ALCAM: variants seen among roughly 807,000 people sequenced by gnomAD.
ALCAM encodes the protein CD166 antigen.
In ALCAM, 30 loss-of-function variants were observed where a neutral mutation model predicts 70.9. That is an observed-to-expected ratio of 0.42 (90% confidence interval 0.32 to 0.57). The LOEUF is 0.57. Among genes scored for constraint, ALCAM ranks in the 20% least tolerant of loss-of-function variants. The probability of loss-of-function intolerance (pLI) is 0.11; values close to 1 mark genes in which losing one functional copy is unlikely to be tolerated. For synonymous variants in ALCAM, 249 were observed against 242.5 expected (o/e 1.03, Z -0.25); for missense variants, 591 against 695.1 (o/e 0.85, Z 1.68).
At chr3:105,563,954 T>G (rs1344522237) in intron 14 of ALCAM, among the ~76,000 whole-genome samples, 2 of 152,026 alleles carry the variant, frequency 1.3e-5, no homozygotes, top group Non-Finnish European at 2.9e-5. Flanking sequence ...CCCAAAGTGC[T>G]GGGACTACAG....
intron 1 of ALCAM, among the ~76,000 whole-genome samples, chr3:105,489,436 A>C (rs1402749637): frequency 6.6e-6 from 1 of 152,142 alleles, no homozygotes; most frequent in Non-Finnish European, 1.5e-5. Context: ...GGCCATGTTG[A>C]CAATGATAGT....
chr3:105,487,709 G>A (rs1282605189), intron 1 of ALCAM, among the ~76,000 whole-genome samples: 1 of 152,180 alleles, frequency 6.6e-6, no homozygotes, highest in Non-Finnish European at 1.5e-5. Context: ...TAGGGTCAGA[G>A]AGGGTAGAAG....
intron 1 of ALCAM, among the ~76,000 whole-genome samples, chr3:105,414,690 A>G (rs1430759870): frequency 6.6e-6 from 1 of 152,130 alleles, no homozygotes; most frequent in Non-Finnish European, 1.5e-5. Context: ...TTTATTTGTG[A>G]AAAATGAGCT....
At chr3:105,506,292 G>A (rs1364994918) in intron 1 of ALCAM, among the ~76,000 whole-genome samples, 1 of 152,174 alleles carries the variant, frequency 6.6e-6, no homozygotes, top group Admixed American at 6.5e-5. Context: ...AATACACAGA[G>A]AGGTAGAATT....
chr3:105,387,354 CT>C (rs1284562627), intron 1 of ALCAM, among the ~76,000 whole-genome samples: 1 of 151,222 alleles, frequency 6.6e-6, no homozygotes, highest in Non-Finnish European at 1.5e-5. Context: ...ACTTTGCCTT[CT>C]GGAAATATTG....
At chr3:105,571,798 A>G (rs1940865902) in intron 14 of ALCAM, 54 bp from the exon 15 acceptor site, 2 of 1,284,378 alleles carry the variant, frequency 1.6e-6, no homozygotes, top group Admixed American at 2.2e-5. Flanking sequence ...AATTAAATAT[A>G]AAAGTTGAAC....
At chr3:105,408,320 A>C (rs1936300894) in intron 1 of ALCAM, among the ~76,000 whole-genome samples, 1 of 152,218 alleles carries the variant, frequency 6.6e-6, no homozygotes, top group South Asian at 2.1e-4. Context: ...GGCCATAGTC[A>C]CCAAAACAGC....
chr3:105,421,336 A>G (rs1576152143), intron 1 of ALCAM, among the ~76,000 whole-genome samples: 1 of 151,512 alleles, frequency 6.6e-6, no homozygotes, highest in Non-Finnish European at 1.5e-5. Context: ...TGTTTGTGCT[A>G]TGGTTCTTTT....
chr3:105,500,580 C>A (rs1293479546), intron 1 of ALCAM, among the ~76,000 whole-genome samples: 1 of 152,090 alleles, frequency 6.6e-6, no homozygotes, highest in East Asian at 1.9e-4. Flanking sequence ...ATCACCATGC[C>A]AAACTTACAA....
chr3:105,429,547 A>G (rs776189736), intron 1 of ALCAM, among the ~76,000 whole-genome samples: 2 of 151,988 alleles, frequency 1.3e-5, no homozygotes, highest in Non-Finnish European at 1.5e-5. Flanking sequence ...CAAATTGGTT[A>G]TTTATTAAGC....
chr3:105,368,265 A>AGAGAGAGAGAGAGAGAGAGAGAGAGAGAG (rs1553716633), intron 1 of ALCAM, among the ~76,000 whole-genome samples: 8 of 25,914 alleles, frequency 3.1e-4, no homozygotes, highest in South Asian at 2.0e-3. Context: ...GAGAGAGAGA[A>AGAGAGAGAGAGAGAGAGAGAGAGAGAGAG]AAGGCAAAAT....
intron 1 of ALCAM, among the ~76,000 whole-genome samples, chr3:105,519,005 C>T (rs902931088): frequency 3.3e-5 from 5 of 152,026 alleles, no homozygotes; most frequent in Non-Finnish European, 7.4e-5. Flanking sequence ...AGATTGCCGT[C>T]GCTTTGCATT....
intron 1 of ALCAM, among the ~76,000 whole-genome samples, chr3:105,453,322 A>C (rs1937480650): frequency 6.6e-6 from 1 of 152,214 alleles, no homozygotes; most frequent in Admixed American, 6.5e-5. Flanking sequence ...CCGTTTATCC[A>C]ATAGGAGATC....
At position 105,552,661 on chromosome 3, in the gene ALCAM, C is replaced by T. The variant is rs531666684; in HGVS notation, c.1664+76C>T. On this transcript the variant is annotated intron_variant, in intron 14 of 15. Transcript: ENST00000306107. Reference sequence around the variant, plus strand: ...AAATACAATGTGCTAATTTTGCTCACTCCAGTCGTGCATATAATTTATACA... The same window carrying T: ...AAATACAATGTGCTAATTTTGCTCATTCCAGTCGTGCATATAATTTATACA... 547 of 1,602,380 alleles carry T rather than the reference C, an allele frequency of 3.4e-4. 2 individuals carry two copies. In the Middle Eastern group the frequency reaches 4.5e-3, roughly 13 times the overall value.
chr3:105,540,532 A>G (rs1940091338), intron 7 of ALCAM, among the ~76,000 whole-genome samples: 1 of 151,980 alleles, frequency 6.6e-6, no homozygotes, highest in African/African-American at 2.4e-5. Context: ...GGATAATGCT[A>G]TGGCTCTTTT....
intron 8 of ALCAM, among the ~76,000 whole-genome samples, chr3:105,541,975 C>G (rs1341409209): frequency 6.6e-6 from 1 of 151,894 alleles, no homozygotes; most frequent in Non-Finnish European, 1.5e-5. Flanking sequence ...ATAACCGCAA[C>G]TTTTGGCAGT....
intron 1 of ALCAM, among the ~76,000 whole-genome samples, chr3:105,446,567 C>G (rs1937303164): frequency 6.7e-6 from 1 of 149,886 alleles, no homozygotes; most frequent in Non-Finnish European, 1.5e-5. Context: ...TGGATTCAAC[C>G]TAAGTATCTA....
intron 8 of ALCAM, 93 bp from the exon 9 acceptor site, chr3:105,545,130 G>T (rs1037161311): frequency 4.7e-5 from 40 of 853,792 alleles, no homozygotes; most frequent in Non-Finnish European, 6.8e-5. Flanking sequence ...GCAGTTAGAA[G>T]AAATTTATTT....
At position 105,576,537 on chromosome 3, in the gene ALCAM, A is replaced by G. The variant is rs1559663108; in HGVS notation, c.*2086A>G. 1 of 152,610 alleles carries G rather than the reference A, an allele frequency of 6.6e-6. No individual in the cohort carries two copies. Among genetic ancestry groups the G allele is most frequent in the Non-Finnish European group, 1.5e-5 (1 of 68,038 alleles). 9.5% of individuals were successfully genotyped at this position (152,610 alleles called of 1,614,324 possible). A position where few individuals can be genotyped will look rare whatever the true frequency, so the allele number is the denominator to read the frequency against. ...TGGTTTCCACTTGCAATGGTTAATT[A>G]AGTCCAAAAACAGCTGTCAGAACCT... is the stretch of plus-strand genomic sequence containing the variant. On this transcript the variant is annotated 3_prime_UTR_variant, in exon 16 of 16. Transcript: ENST00000306107.
Sources: gnomAD v4.1 joint callset for allele counts (sites outside exome capture counted in the v4.1 genomes callset) on GRCh38, gnomAD v4.1.1 for gene constraint, MANE v1.5 for transcripts, NCBI Gene and HGNC (gene_info 2026-07-23, HGNC 2026-07-21) for gene names.